Variants in MAST2 observed in about 807,000 individuals in gnomAD.
MAST2 encodes the protein microtubule-associated serine/threonine-protein kinase 2.
In MAST2, 70 loss-of-function variants were observed where a neutral mutation model predicts 147.4. That is an observed-to-expected ratio of 0.47 (90% CI 0.39 to 0.58). The LOEUF is 0.58. Ranked by LOEUF, MAST2 falls within the 20% of genes least tolerant of loss-of-function variation. The pLI, the probability that MAST2 is intolerant of heterozygous loss-of-function variation, is 0.00. For synonymous variants in MAST2, 869 were observed against 896.8 expected, an observed-to-expected ratio of 0.97 and a Z score of 0.55; for missense variants, 2,080 against 2,302.3, an observed-to-expected ratio of 0.90 and a Z score of 1.98.
intron 5 of MAST2, 123 bp downstream of exon 5, chr1:45,959,600 G>T: frequency 1.3e-6 from 1 of 759,814 alleles, no homozygotes; most frequent in Admixed American, 2.6e-5. Context: ...GCTGACTGAA[G>T]CAGACAGAGC....
In MAST2 at chr1:46,032,277, C is replaced by T; in HGVS notation, c.3287C>T (p.Pro1096Leu). The change falls in exon 25 of 29, where the codon CCA (proline) becomes CTA (leucine). Residue 1096 changes from proline (P) to leucine (L), a missense_variant. This residue lies in a region of MAST2 where 1,278 missense variants were observed against 1,304.2 expected (regional missense o/e 0.98). Coordinates refer to ENST00000361297, the MANE Select transcript of MAST2 (RefSeq NM_015112.3). Reference sequence around the variant, plus strand: ...TCTTCTCCAAGCAGGGACTTCTTGCCAGCCCTTGGCAGCATGAGGCCTCCC... The same window carrying T: ...TCTTCTCCAAGCAGGGACTTCTTGCTAGCCCTTGGCAGCATGAGGCCTCCC... The part of the protein sequence containing the change: ...RDSSPSRDFL[P>L]ALGSMRPPII... The T allele has an allele frequency of 1.2e-6, 2 of 1,614,220 alleles. No individual in the cohort carries two copies. The highest frequency in any genetic ancestry group is 2.7e-5 in the African/African-American group (2 of 75,058).
intron 6 of MAST2, among the ~76,000 whole-genome samples, chr1:46,001,310 G>T (rs1012679960): frequency 1.3e-5 from 2 of 152,318 alleles, no homozygotes; most frequent in South Asian, 2.1e-4. Context: ...GCATCATGTG[G>T]TGGCATTTCT....
In MAST2 at chr1:46,002,875, A is replaced by G. The variant is rs746133332; in HGVS notation, c.739A>G (p.Thr247Ala). 3.1e-6 allele frequency: 5 copies of G among 1,613,956 alleles called. No individual in the cohort carries two copies. Among genetic ancestry groups the G allele is most frequent in the Non-Finnish European group, 4.2e-6 (5 of 1,179,958 alleles). ...ATATGGAACTAACACTCCTAGCTCC[A>G]CTGTCTCAGTAAGTAGCCAAATCTG... ...SGYGTNTPSS[T>A]VSSSCSSQEK... is the part of the protein sequence containing the mutation. Residue 247 changes from threonine to alanine, a missense_variant, in exon 7 of 29, where the codon ACT becomes GCT. Around this residue, in one of 4 missense-constraint regions of MAST2, gnomAD observed 569 missense variants for 642.5 expected, o/e 0.89. Coordinates refer to ENST00000361297, the MANE Select transcript of MAST2 (RefSeq NM_015112.3).
At chr1:45,904,128 G>A (rs953302202) in intron 4 of MAST2, among the ~76,000 whole-genome samples, 2 of 151,754 alleles carry the variant, frequency 1.3e-5, no homozygotes, top group South Asian at 4.1e-4. Flanking sequence ...AGCCTCCCTA[G>A]TAGCTGGGAC....
intron 5 of MAST2, among the ~76,000 whole-genome samples, chr1:45,983,870 C>G (rs1303158688): frequency 1.3e-5 from 2 of 152,146 alleles, no homozygotes; most frequent in Admixed American, 1.3e-4. Flanking sequence ...CACAAACACT[C>G]TTTTTAGGGC....
chr1:45,879,737 A>C (rs1442711807), intron 3 of MAST2, among the ~76,000 whole-genome samples: 1 of 152,132 alleles, frequency 6.6e-6, no homozygotes, highest in African/African-American at 2.4e-5. Flanking sequence ...AAAGGTAAAA[A>C]AATTTTAAGA....
In MAST2 at chr1:46,029,566, A is replaced by G; in HGVS notation, c.2319A>G (p.Thr773=). The G allele has an allele frequency of 6.2e-7, 1 of 1,613,434 alleles. No individual in the cohort carries two copies. Among genetic ancestry groups the G allele is most frequent in the Non-Finnish European group, 8.5e-7 (1 of 1,179,586 alleles). ...AGAACCCTCTGGAGAGACTTGGCAC[A>G]GGTAGGGCAGGCCCTGCTAACTTTT... The part of the protein sequence containing the change: ...LHQNPLERLG[T]GSAYEVKQHP... Residue 773 remains threonine, a splice_region_variant and synonymous_variant, in exon 19 of 29, where the codon ACA becomes ACG. Transcript: ENST00000361297.
chr1:45,852,202 A>G (rs1645643289), intron 3 of MAST2, among the ~76,000 whole-genome samples: 1 of 152,148 alleles, frequency 6.6e-6, no homozygotes, highest in African/African-American at 2.4e-5. Flanking sequence ...ATCTCATCCC[A>G]TGAATAGATT....
In MAST2 at chr1:45,840,789, T is replaced by G. The variant is rs533391253; in HGVS notation, c.468+11208T>G. On this transcript the variant is annotated intron_variant, in intron 3 of 28. Transcript: ENST00000361297. ...CAAGTTTTCAGCCAGTCATATAGGCTGAATATTGCCAAAGCATGTTCAAAT... is the reference window on the plus strand; with the variant it reads ...CAAGTTTTCAGCCAGTCATATAGGCGGAATATTGCCAAAGCATGTTCAAAT... 1.8e-4 allele frequency among the ~76,000 whole-genome samples: 27 copies of G among 152,350 alleles called. No individual in the cohort carries two copies. The South Asian group carries it at 5.4e-3, about 30-fold the overall frequency.
chr1:45,925,027 A>C (rs1038063567), intron 4 of MAST2, among the ~76,000 whole-genome samples: 21 of 152,234 alleles, frequency 1.4e-4, no homozygotes, highest in Non-Finnish European at 7.3e-5. Flanking sequence ...TGGCAACCCT[A>C]GTAAACCAAC....
chr1:45,862,486 G>GTTTT, intron 3 of MAST2, among the ~76,000 whole-genome samples: 1 of 106,050 alleles, frequency 9.4e-6, no homozygotes, highest in African/African-American at 3.8e-5. Context: ...GAGGACTGAA[G>GTTTT]ATTTTTTTTT....
At chr1:45,901,884 T>C (rs964768041) in intron 4 of MAST2, among the ~76,000 whole-genome samples, 2 of 152,158 alleles carry the variant, frequency 1.3e-5, no homozygotes, top group Non-Finnish European at 2.9e-5. Flanking sequence ...TTTGGAGTAA[T>C]GTTTAGGGTT....
chr1:45,833,432 T>G (rs1293463794), intron 3 of MAST2, among the ~76,000 whole-genome samples: 3 of 152,184 alleles, frequency 2.0e-5, no homozygotes, highest in African/African-American at 7.2e-5. Context: ...GAAAATCTGT[T>G]GTTAACAGTG....
At chr1:45,988,971 G>A (rs1644756621) in intron 5 of MAST2, among the ~76,000 whole-genome samples, 1 of 152,164 alleles carries the variant, frequency 6.6e-6, no homozygotes, top group South Asian at 2.1e-4. Flanking sequence ...TTAAATTGGA[G>A]AACAGTATTA....
At chr1:45,817,426 A>G (rs1289267496) in intron 1 of MAST2, among the ~76,000 whole-genome samples, 2 of 152,206 alleles carry the variant, frequency 1.3e-5, no homozygotes, top group African/African-American at 2.4e-5. Context: ...GAGGCATGAC[A>G]TATTTAAAGT....
At chr1:46,000,545 G>A (rs993797476) in intron 6 of MAST2, among the ~76,000 whole-genome samples, 3 of 152,094 alleles carry the variant, frequency 2.0e-5, no homozygotes, top group African/African-American at 7.2e-5. Context: ...TCAGGGCCTG[G>A]TTTTTTACCA....
intron 4 of MAST2, among the ~76,000 whole-genome samples, chr1:45,890,931 A>G (rs1647663347): frequency 6.6e-6 from 1 of 152,246 alleles, no homozygotes; most frequent in Admixed American, 6.5e-5. Flanking sequence ...ATAGTTGCAT[A>G]ATAACAAATT....
intron 4 of MAST2, among the ~76,000 whole-genome samples, chr1:45,888,901 C>A (rs1369870362): frequency 1.3e-5 from 2 of 150,020 alleles, no homozygotes; most frequent in Non-Finnish European, 3.0e-5. Flanking sequence ...AGGATGGTCT[C>A]AATCTGACCT....
intron 4 of MAST2, among the ~76,000 whole-genome samples, chr1:45,894,512 A>G (rs761670641): frequency 2.0e-5 from 3 of 152,234 alleles, no homozygotes; most frequent in Middle Eastern, 3.2e-3. Context: ...AAATTTTTCT[A>G]GCAAGACACA....
Sources: allele counts gnomAD v4.1 joint callset (sites outside exome capture counted in the v4.1 genomes callset), GRCh38; gene constraint gnomAD v4.1.1; regional missense constraint gnomAD v4.1.1; transcripts MANE v1.5; gene names NCBI Gene and HGNC (gene_info 2026-07-23, HGNC 2026-07-21).